Variants in FRMPD4 observed in about 807,000 individuals in gnomAD.
The protein encoded by FRMPD4 is FERM and PDZ domain containing 4.
FRMPD4 carries 22 observed loss-of-function variants against 94.1 expected under a neutral mutation model. The ratio of observed to expected loss-of-function variants is 0.23; its 90% CI spans 0.17 to 0.33. The LOEUF is 0.33. Among genes scored for constraint, FRMPD4 ranks in the 10% least tolerant of loss-of-function variants. The pLI, the probability that FRMPD4 is intolerant of heterozygous loss-of-function variation, is 1.00. For missense variants in FRMPD4, 1,111 were observed against 1,339.9 expected (o/e 0.83, Z 2.67); for synonymous variants, 631 against 548.6 (o/e 1.15, Z -2.10).
intron 3 of FRMPD4, among the ~76,000 whole-genome samples, chrX:12,126,192 C>T (rs999815128): frequency 1.7e-4 from 19 of 112,272 alleles, no homozygotes; most frequent in African/African-American, 6.1e-4. Context: ...GAGCTGACAA[C>T]TTAGCCACAG....
intron 2 of FRMPD4, among the ~76,000 whole-genome samples, chrX:12,582,256 T>C (rs2058873861): frequency 8.9e-6 from 1 of 112,418 alleles, no homozygotes; most frequent in Non-Finnish European, 1.9e-5. Context: ...TCTCTTTGTA[T>C]TGGTTCCTTT....
chrX:12,584,730 A>G (rs1441007141), intron 2 of FRMPD4, among the ~76,000 whole-genome samples: 1 of 112,118 alleles, frequency 8.9e-6, no homozygotes, highest in African/African-American at 3.2e-5. Flanking sequence ...CATGGTTCAA[A>G]TAATTCTGAA....
intron 2 of FRMPD4, among the ~76,000 whole-genome samples, chrX:12,507,205 T>C (rs184385624): frequency 1.8e-5 from 2 of 112,629 alleles, no homozygotes; most frequent in East Asian, 5.5e-4. Context: ...CTGTCAAGGA[T>C]AGGTTTTCTC....
chrX:12,186,065 CTTT>C (rs2056421103), intron 1 of FRMPD4, among the ~76,000 whole-genome samples: 1 of 111,665 alleles, frequency 9.0e-6, no homozygotes, highest in Admixed American at 9.5e-5. Context: ...GCTTTCATGT[CTTT>C]TATTGTTTGC....
At chrX:12,122,232 G>T (rs936804149) in intron 3 of FRMPD4, among the ~76,000 whole-genome samples, 1 of 111,324 alleles carries the variant, frequency 9.0e-6, no homozygotes, top group Non-Finnish European at 1.9e-5. Context: ...CCTTAGCAAT[G>T]TACTAGGAAG....
At chrX:12,548,476 T>C (rs1330400828) in intron 2 of FRMPD4, among the ~76,000 whole-genome samples, 1 of 112,248 alleles carries the variant, frequency 8.9e-6, no homozygotes, top group Admixed American at 9.4e-5. Context: ...AAAATTCTGG[T>C]CTGGCATTAT....
chrX:11,991,292 C>T (rs927133981), intron 3 of FRMPD4, among the ~76,000 whole-genome samples: 1 of 111,451 alleles, frequency 9.0e-6, no homozygotes, highest in Admixed American at 9.5e-5. Context: ...GCTACAGGGT[C>T]TAATCCTTAA....
chrX:12,054,500 C>A (rs1015554663), intron 3 of FRMPD4, among the ~76,000 whole-genome samples: 1 of 111,252 alleles, frequency 9.0e-6, no homozygotes. Flanking sequence ...ACCCCTGACC[C>A]CCCATTCTCA....
intron 3 of FRMPD4, among the ~76,000 whole-genome samples, chrX:12,129,503 G>T (rs2055528940): frequency 9.0e-6 from 1 of 111,441 alleles, no homozygotes; most frequent in East Asian, 2.9e-4. Context: ...GATTAGATTT[G>T]GGTGGGAACA....
At chrX:12,103,908 T>G (rs911634412) in intron 3 of FRMPD4, among the ~76,000 whole-genome samples, 3 of 111,821 alleles carry the variant, frequency 2.7e-5, no homozygotes, top group Non-Finnish European at 5.6e-5. Flanking sequence ...CTTAGTCTAT[T>G]TTGTGCTGCT....
At chrX:11,879,997 T>C (rs757555407) in intron 3 of FRMPD4, among the ~76,000 whole-genome samples, 2 of 112,821 alleles carry the variant, frequency 1.8e-5, no homozygotes, top group South Asian at 3.6e-4. Flanking sequence ...ATCATAAGAC[T>C]CAAGTAAAGA....
chrX:11,960,317 G>T (rs757810868), intron 3 of FRMPD4, among the ~76,000 whole-genome samples: 86 of 111,763 alleles, frequency 7.7e-4, no homozygotes, highest in African/African-American at 2.5e-3. Context: ...TTCTCACCTG[G>T]GGTTGATTGG....
chrX:12,486,539 A>C (rs1384916329), intron 1 of FRMPD4, among the ~76,000 whole-genome samples: 1 of 112,564 alleles, frequency 8.9e-6, no homozygotes, highest in Non-Finnish European at 1.9e-5. Flanking sequence ...GATTTTGAGA[A>C]CTTGTCTAAA....
intron 1 of FRMPD4, among the ~76,000 whole-genome samples, chrX:12,345,575 C>T (rs2055693355): frequency 9.0e-6 from 1 of 111,396 alleles, no homozygotes; most frequent in Non-Finnish European, 1.9e-5. Flanking sequence ...TTTGCAATTC[C>T]TCATGTTGCT....
chrX:12,703,368 G>A (rs1393002258), intron 10 of FRMPD4, among the ~76,000 whole-genome samples: 1 of 112,357 alleles, frequency 8.9e-6, no homozygotes, highest in African/African-American at 3.2e-5. Context: ...AGTGCCAAAT[G>A]ATGGATAAGA....
At chrX:12,176,562 A>G (rs2056297690) in intron 1 of FRMPD4, among the ~76,000 whole-genome samples, 1 of 112,589 alleles carries the variant, frequency 8.9e-6, no homozygotes, top group African/African-American at 3.2e-5. Context: ...ATTAAGTCAA[A>G]TTTTTAGATC....
At chrX:12,325,804 T>C in intron 1 of FRMPD4, among the ~76,000 whole-genome samples, 1 of 112,422 alleles carries the variant, frequency 8.9e-6, no homozygotes, top group Middle Eastern at 4.6e-3. Context: ...GAGATTCATA[T>C]GAGCCTTAAA....
intron 1 of FRMPD4, among the ~76,000 whole-genome samples, chrX:11,835,746 T>C (rs1191825301): frequency 1.8e-5 from 2 of 112,294 alleles, no homozygotes; most frequent in Non-Finnish European, 3.8e-5. Flanking sequence ...TTAGTCTTCT[T>C]TCTGGTAACT....
chrX:12,472,559 C>A (rs1243355714), intron 1 of FRMPD4, among the ~76,000 whole-genome samples: 1 of 111,204 alleles, frequency 9.0e-6, no homozygotes, highest in African/African-American at 3.3e-5. Flanking sequence ...AAGTTAAAAA[C>A]CTTGAAAAAA....
Sources: gnomAD v4.1 joint callset for allele counts (sites outside exome capture counted in the v4.1 genomes callset) on GRCh38, gnomAD v4.1.1 for gene constraint, MANE v1.5 for transcripts, NCBI Gene and HGNC (gene_info 2026-07-23, HGNC 2026-07-21) for gene names.